Variants in GPR158 observed in about 807,000 individuals in gnomAD.
GPR158 encodes the protein G protein-coupled receptor 158, also known as metabotropic glycine receptor.
Under a neutral mutation model 78.2 loss-of-function variants are expected in GPR158, and 30 were observed. The observed-to-expected ratio is 0.38, with a 90% confidence interval of 0.29 to 0.52. The LOEUF is 0.52. GPR158 is among the 20% of genes least tolerant of loss of function. The pLI is 0.83. For missense variants in GPR158, 1,463 were observed against 1,523.5 expected (o/e 0.96, Z 0.66); for synonymous variants, 581 against 591.1 (o/e 0.98, Z 0.25).
chr10:25,364,599 T>A (rs952252599), intron 2 of GPR158, among the ~76,000 whole-genome samples: 1 of 151,910 alleles, frequency 6.6e-6, no homozygotes, highest in African/African-American at 2.4e-5. Flanking sequence ...TTATTTCTGA[T>A]TCTGTATTCA....
chr10:25,466,528 T>A (rs1431768023), intron 4 of GPR158, 123 bp from the exon 5 acceptor site: 1 of 577,492 alleles, frequency 1.7e-6, no homozygotes, highest in African/African-American at 1.9e-5. Flanking sequence ...CCAATTTTCA[T>A]TAATTTATTT....
At chr10:25,302,048 A>G (rs993137259) in intron 2 of GPR158, among the ~76,000 whole-genome samples, 4 of 148,712 alleles carry the variant, frequency 2.7e-5, no homozygotes, top group Non-Finnish European at 5.9e-5. Flanking sequence ...TGTTTATCGC[A>G]TCTATCAGTA....
At chr10:25,397,641 G>A (rs547146347) in intron 3 of GPR158, among the ~76,000 whole-genome samples, 166 of 152,230 alleles carry the variant, frequency 1.1e-3, no homozygotes, top group African/African-American at 3.9e-3. Context: ...TAACTTGTAG[G>A]TTCTGGAGGT....
intron 6 of GPR158, among the ~76,000 whole-genome samples, chr10:25,570,135 G>GA (rs1224263195): frequency 2.6e-5 from 4 of 152,122 alleles, no homozygotes; most frequent in Non-Finnish European, 5.9e-5. Flanking sequence ...TTCTGCTACA[G>GA]AAAATAAGAT....
In GPR158 at chr10:25,320,006, C is replaced by G. The variant is rs183091008; in HGVS notation, c.1009-75905C>G. Among the ~76,000 whole-genome samples the G allele has an allele frequency of 3.3e-4, 51 of 152,262 alleles. 1 individual carries two copies. The highest frequency in any genetic ancestry group is 3.4e-3 in the Middle Eastern group (1 of 294). On this transcript the variant is annotated intron_variant, in intron 2 of 10. Coordinates refer to ENST00000376351, the MANE Select transcript of GPR158 (RefSeq NM_020752.3). Reference sequence around the variant, plus strand: ...TTCTTTTTCCTCTATTATATCTCTCCTCGACATCCAACCCCCTCAAGTCAC... The same window carrying G: ...TTCTTTTTCCTCTATTATATCTCTCGTCGACATCCAACCCCCTCAAGTCAC...
intron 5 of GPR158, among the ~76,000 whole-genome samples, chr10:25,508,519 G>T (rs958124762): frequency 6.6e-6 from 1 of 152,188 alleles, no homozygotes. Flanking sequence ...GAACTAGAGG[G>T]TATAAAGGCA....
chr10:25,189,882 G>T (rs537019552), intron 1 of GPR158, among the ~76,000 whole-genome samples: 1 of 147,866 alleles, frequency 6.8e-6, no homozygotes, highest in South Asian at 2.2e-4. Context: ...GTATGTGTAT[G>T]TACCTGGAAG....
In GPR158 at chr10:25,359,505, G is replaced by A. The variant is rs185059902; in HGVS notation, c.1009-36406G>A. On this transcript the variant is annotated intron_variant, in intron 2 of 10. Coordinates refer to ENST00000376351, the MANE Select transcript of GPR158 (RefSeq NM_020752.3). ...CTCCCACTTACGAGTGAGAATATGTGGTGGTGGTTTTTCTCTTCCTGTGTC... is the reference window on the plus strand; with the variant it reads ...CTCCCACTTACGAGTGAGAATATGTAGTGGTGGTTTTTCTCTTCCTGTGTC... Among the ~76,000 whole-genome samples, 3 of 152,128 alleles carry A rather than the reference G, an allele frequency of 2.0e-5. No homozygotes were observed. The East Asian group carries it at 5.8e-4, about 30-fold the overall frequency.
At chr10:25,430,497 A>G (rs1429633280) in intron 4 of GPR158, among the ~76,000 whole-genome samples, 1 of 148,376 alleles carries the variant, frequency 6.7e-6, no homozygotes, top group East Asian at 1.9e-4. Context: ...TCTTGAGAGA[A>G]TTGGAAAAAA....
chr10:25,575,720 AATT>A (rs976471025), intron 7 of GPR158, among the ~76,000 whole-genome samples: 25 of 152,232 alleles, frequency 1.6e-4, no homozygotes, highest in African/African-American at 6.0e-4. Context: ...CATTGTTTTC[AATT>A]ATTATTTCAA....
intron 2 of GPR158, among the ~76,000 whole-genome samples, chr10:25,270,138 A>G (rs1249790617): frequency 6.6e-6 from 1 of 152,226 alleles, no homozygotes; most frequent in African/African-American, 2.4e-5. Flanking sequence ...AAAGTAAGAT[A>G]CTTCAGGTGT....
chr10:25,342,245 A>ATTTT (rs35373506), intron 2 of GPR158, among the ~76,000 whole-genome samples: 1 of 149,486 alleles, frequency 6.7e-6, no homozygotes. Context: ...GAACTGTTTT[A>ATTTT]TTTTTTTTTT....
At chr10:25,562,160 CCA>C (rs1262077943) in intron 6 of GPR158, among the ~76,000 whole-genome samples, 2 of 151,882 alleles carry the variant, frequency 1.3e-5, no homozygotes, top group African/African-American at 4.8e-5. Flanking sequence ...AGAAATATCC[CCA>C]CTTTCATTCC....
chr10:25,530,647 G>A (rs982985099), intron 5 of GPR158, among the ~76,000 whole-genome samples: 7 of 152,208 alleles, frequency 4.6e-5, no homozygotes, highest in African/African-American at 1.7e-4. Context: ...CACGTATGCA[G>A]AGACAAATTC....
chr10:25,427,945 A>G (rs988738910), intron 4 of GPR158, among the ~76,000 whole-genome samples: 2 of 152,068 alleles, frequency 1.3e-5, no homozygotes, highest in African/African-American at 4.8e-5. Context: ...CTATGTCCGT[A>G]CAATAATTAC....
Position 25,316,169 on chromosome 10 carries a change from A to G in GPR158, c.1009-79742A>G, listed in dbSNP as rs538936343. Among the ~76,000 whole-genome samples, 22 of 152,242 alleles carry G rather than the reference A, an allele frequency of 1.4e-4. No homozygotes were observed. The South Asian group carries it at 1.5e-3, about 10-fold the overall frequency. ...CTTGAGGCCTCAAAGATTTTTCTTT[A>G]TCTTTAAACCCTAATAATTCCAATA... On this transcript the variant is annotated intron_variant, in intron 2 of 10. Coordinates refer to ENST00000376351, the MANE Select transcript of GPR158 (RefSeq NM_020752.3).
At chr10:25,251,862 C>T (rs1188341539) in intron 2 of GPR158, among the ~76,000 whole-genome samples, 9 of 151,528 alleles carry the variant, frequency 5.9e-5, no homozygotes. Flanking sequence ...CATTGGCCTG[C>T]CTTGCTAGAT....
intron 2 of GPR158, among the ~76,000 whole-genome samples, chr10:25,320,629 A>G (rs1195731813): frequency 6.6e-6 from 1 of 152,200 alleles, no homozygotes; most frequent in East Asian, 1.9e-4. Context: ...GTATGGCCTT[A>G]ATCTAAAATG....
Position 25,571,830 on chromosome 10 carries a change from C to T in GPR158, c.1515-819C>T, listed in dbSNP as rs191192363. Among the ~76,000 whole-genome samples, 444 of 152,206 alleles carry T rather than the reference C, an allele frequency of 2.9e-3. 1 individual carries two copies. The highest frequency in any genetic ancestry group is 4.6e-3 in the Non-Finnish European group (316 of 67,992). On this transcript the variant is annotated intron_variant, in intron 6 of 10. Transcript: ENST00000376351. ...ATCTGAGATATATACAGAAAAAACT[C>T]TTAGTTTTTAAAAATCACATTTCCT...
Sources: allele counts gnomAD v4.1 joint callset (sites outside exome capture counted in the v4.1 genomes callset), GRCh38; gene constraint gnomAD v4.1.1; transcripts MANE v1.5; gene names NCBI Gene and HGNC (gene_info 2026-07-23, HGNC 2026-07-21).